The following SZRD1 variants were observed in gnomAD, a reference collection of about 807,000 sequenced individuals.
SZRD1 encodes the protein SUZ RNA-binding domain-containing.
SZRD1 carries 7 observed loss-of-function variants against 17.6 expected under a neutral mutation model. The ratio of observed to expected loss-of-function variants is 0.40; its 90% CI spans 0.23 to 0.75. The LOEUF is 0.75. SZRD1 is among the 30% of genes least tolerant of loss of function. The pLI, the probability that SZRD1 is intolerant of heterozygous loss-of-function variation, is 0.38. For missense variants in SZRD1, 178 were observed against 201.8 expected (o/e 0.88, Z 0.71); for synonymous variants, 77 against 77.9 (o/e 0.99, Z 0.06).
At chr1:16,384,319 A>AT (rs1159883521) in intron 1 of SZRD1, among the ~76,000 whole-genome samples, 1 of 151,156 alleles carries the variant, frequency 6.6e-6, no homozygotes, top group African/African-American at 2.4e-5. Context: ...TGGGAGGATC[A>AT]CTTGAGCCCA....
At chr1:16,378,546 G>A (rs907313613) in intron 1 of SZRD1, among the ~76,000 whole-genome samples, 1 of 151,672 alleles carries the variant, frequency 6.6e-6, no homozygotes. Context: ...CATCGGCCTC[G>A]CAAAGTGTTG....
chr1:16,393,631 C>G lies in SZRD1; in HGVS notation c.356+149C>G. On this transcript the variant is annotated intron_variant, in intron 3 of 3. Coordinates refer to ENST00000401088, the MANE Select transcript of SZRD1 (RefSeq NM_001114600.3). The surrounding 1 kb of genome is among the most constrained non-coding windows in gnomAD (Gnocchi z 5.6). ...CCACTTGCTGATCCCAGCCTGCTGG[C>G]ACTAGTTCACTGTGCCGCATTGGCT... 1.1e-6 allele frequency: 1 copy of G among 891,882 alleles called. No homozygotes were observed. The highest frequency in any genetic ancestry group is 1.7e-6 in the Non-Finnish European group (1 of 596,402). 55.2% of individuals were successfully genotyped at this position (891,882 alleles called of 1,614,324 possible). A position where few individuals can be genotyped will look rare whatever the true frequency, so the allele number is the denominator to read the frequency against.
At chr1:16,369,466 G>T in intron 1 of SZRD1, 1 of 1,028,146 alleles carries the variant, frequency 9.7e-7, no homozygotes, top group Non-Finnish European at 1.5e-6. Context: ...GCATTCAAGA[G>T]TGAACTTCAG....
rs552869963 is a variant in SZRD1 at position 16,386,533 on chromosome 1, T to C, written c.52-4842T>C. On this transcript the variant is annotated intron_variant, in intron 1 of 3. Transcript: ENST00000401088. ...TTCAGAGCATGAGTCTGAGAGCAGA[T>C]TGATTGCAAGGCCTTGTCTGAGAAG... 2.0e-4 allele frequency among the ~76,000 whole-genome samples: 30 copies of C among 152,252 alleles called. No individual in the cohort carries two copies. The Middle Eastern group carries it at 0.014, about 69-fold the overall frequency.
chr1:16,369,474 C>T (rs762350658), intron 1 of SZRD1: 2 of 1,008,930 alleles, frequency 2.0e-6, no homozygotes, highest in East Asian at 2.4e-5. Context: ...GAGTGAACTT[C>T]AGAACCTGCT....
Position 16,391,842 on chromosome 1 carries a change from TATG to T in SZRD1, c.101+420_101+422del, listed in dbSNP as rs1224117363. Among the ~76,000 whole-genome samples, 1 of 152,106 alleles carries T rather than the reference TATG, an allele frequency of 6.6e-6. No homozygotes were observed. Among genetic ancestry groups the T allele is most frequent in the Non-Finnish European group, 1.5e-5 (1 of 68,010 alleles). On this transcript the variant is annotated intron_variant, in intron 2 of 3. Transcript: ENST00000401088. The surrounding 1 kb of genome is among the most constrained non-coding windows in gnomAD (Gnocchi z 4.3). ...CCAGTGACTTGGTGGTCTAGGGTAT[TATG>T]AGGGTATCCTGGAAGAAAACATTCT...
rs115754806 is a variant in SZRD1, at chr1:16,385,607, A to T, written c.52-5768A>T. Among the ~76,000 whole-genome samples, 675 of 152,134 alleles carry T rather than the reference A, an allele frequency of 4.4e-3. 5 individuals are homozygous for T. The highest frequency in any genetic ancestry group is 0.016 in the African/African-American group (648 of 41,484). ...CTACCACTGTAATCTGCTTCACCTTACAGACACATCCCTATCTTTTGTCAC... is the reference window on the plus strand; with the variant it reads ...CTACCACTGTAATCTGCTTCACCTTTCAGACACATCCCTATCTTTTGTCAC... On this transcript the variant is annotated intron_variant, in intron 1 of 3. Coordinates refer to ENST00000401088, the MANE Select transcript of SZRD1 (RefSeq NM_001114600.3).
At chr1:16,374,888 G>GT (rs550692966) in intron 1 of SZRD1, among the ~76,000 whole-genome samples, 59 of 148,918 alleles carry the variant, frequency 4.0e-4, no homozygotes, top group African/African-American at 1.4e-3. Flanking sequence ...GTTTTGTTTT[G>GT]TTTTTTTGAG....
intron 1 of SZRD1, among the ~76,000 whole-genome samples, chr1:16,375,249 A>G (rs1023679581): frequency 8.5e-5 from 13 of 152,174 alleles, no homozygotes; most frequent in African/African-American, 3.1e-4. Flanking sequence ...TGTGCAGGAT[A>G]TTAAGGTAAA....
At chr1:16,387,347 A>G in intron 1 of SZRD1, 1 of 455,716 alleles carries the variant, frequency 2.2e-6, no homozygotes. Context: ...GGAGACCTGG[A>G]TGGGACTTCT....
Position 16,391,490 on chromosome 1 carries a change from G to A in SZRD1, c.101+66G>A, listed in dbSNP as rs902921215. ...GTTTGAGAGCCGGGCAGTCAGTGGTGTTCTCCAGCTGGCCATTAGGATTAG... is the reference window on the plus strand; with the variant it reads ...GTTTGAGAGCCGGGCAGTCAGTGGTATTCTCCAGCTGGCCATTAGGATTAG... On this transcript the variant is annotated intron_variant, in intron 2 of 3. Coordinates refer to ENST00000401088, the MANE Select transcript of SZRD1 (RefSeq NM_001114600.3). This position sits in a 1 kb window ranked among gnomAD's most constrained non-coding sequence, Gnocchi z 4.3. 11 of 1,365,270 alleles carry A rather than the reference G, an allele frequency of 8.1e-6. No individual in the cohort carries two copies. Among genetic ancestry groups the A allele is most frequent in the Admixed American group, 2.1e-5 (1 of 47,756 alleles). 84.6% of individuals were successfully genotyped at this position (1,365,270 alleles called of 1,614,324 possible). A position where few individuals can be genotyped will look rare whatever the true frequency, so the allele number is the denominator to read the frequency against.
intron 1 of SZRD1, chr1:16,387,709 A>G (rs1557629313): frequency 4.4e-6 from 2 of 456,610 alleles, no homozygotes; most frequent in Non-Finnish European, 8.8e-6. Flanking sequence ...AGAAACTCGA[A>G]TAGGCAGTCT....
At chr1:16,372,706 A>G (rs1471293347) in intron 1 of SZRD1, among the ~76,000 whole-genome samples, 1 of 152,204 alleles carries the variant, frequency 6.6e-6, no homozygotes, top group Non-Finnish European at 1.5e-5. Context: ...TGGATTAAGA[A>G]TTGAAATTTA....
intron 1 of SZRD1, among the ~76,000 whole-genome samples, chr1:16,379,649 G>A (rs1311120864): frequency 6.6e-6 from 1 of 152,042 alleles, no homozygotes; most frequent in Non-Finnish European, 1.5e-5. Context: ...TCAAATTCTG[G>A]CTCCACTTCA....
chr1:16,378,669 G>T (rs1332845142), intron 1 of SZRD1, among the ~76,000 whole-genome samples: 1 of 152,064 alleles, frequency 6.6e-6, no homozygotes, highest in East Asian at 1.9e-4. Context: ...AGGAAACCTG[G>T]GCTTGCACTG....
intron 1 of SZRD1, among the ~76,000 whole-genome samples, chr1:16,371,074 T>C (rs756054031): frequency 3.9e-5 from 6 of 152,168 alleles, no homozygotes; most frequent in Non-Finnish European, 7.3e-5. Context: ...CAGCAAAAAC[T>C]GGGTGAAGAC....
At position 16,395,185 on chromosome 1, in the gene SZRD1, C is replaced by T. The variant is rs1040285834; in HGVS notation, c.*45C>T. The T allele has an allele frequency of 7.0e-7, 1 of 1,423,884 alleles. No homozygotes were observed. The highest frequency in any genetic ancestry group is 1.4e-5 in the African/African-American group (1 of 71,430). The allele number at this position is 1,423,884 out of a possible 1,614,324, so 88.2% of individuals were successfully genotyped here. On this transcript the variant is annotated 3_prime_UTR_variant, in exon 4 of 4. Transcript: ENST00000401088. ...CCGCCGTTGCTGCCGTCACCGCCTC[C>T]TGGGTCGTCCGCCACGGGTTGCACT...
intron 2 of SZRD1, among the ~76,000 whole-genome samples, chr1:16,392,591 C>G (rs896549850): frequency 2.0e-5 from 3 of 152,176 alleles, no homozygotes; most frequent in Non-Finnish European, 4.4e-5. Flanking sequence ...GACCAGGGAG[C>G]CCTGGCAAGG....
chr1:16,375,057 TA>T (rs1398655621), intron 1 of SZRD1, among the ~76,000 whole-genome samples: 8 of 151,998 alleles, frequency 5.3e-5, no homozygotes, highest in Non-Finnish European at 1.2e-4. Context: ...TTTGTATTTT[TA>T]GTAGAGATGG....
Sources: gnomAD v4.1 joint callset for allele counts (sites outside exome capture counted in the v4.1 genomes callset) on GRCh38, gnomAD v4.1.1 for gene constraint, Gnocchi (gnomAD v3.1) non-coding constraint, MANE v1.5 for transcripts, NCBI Gene and HGNC (gene_info 2026-07-23, HGNC 2026-07-21) for gene names.